Variants in EYS observed in about 807,000 individuals in gnomAD.
EYS encodes protein eyes shut homolog.
EYS carries 250 observed loss-of-function variants against 282.1 expected under a neutral mutation model. That is an observed-to-expected ratio of 0.89 (90% CI 0.80 to 0.98). The LOEUF (loss-of-function observed/expected upper bound fraction) is 0.98, where lower values mean the gene tolerates loss of function less well. Among genes scored for constraint, EYS ranks in the 50% least tolerant of loss-of-function variants. EYS has a pLI of 0.00. For missense variants in EYS, 4,016 were observed against 3,709.0 expected, an observed-to-expected ratio of 1.08 and a Z score of -2.15; for synonymous variants, 1,355 against 1,282.9, an observed-to-expected ratio of 1.06 and a Z score of -1.20.
intron 30 of EYS, among the ~76,000 whole-genome samples, chr6:64,231,379 T>C (rs1212769196): frequency 6.6e-6 from 1 of 152,184 alleles, no homozygotes; most frequent in Admixed American, 6.6e-5. Flanking sequence ...CTCTGAATTA[T>C]GTGAAATTTC....
chr6:64,534,288 T>A (rs1035834674), intron 26 of EYS, among the ~76,000 whole-genome samples: 154 of 148,330 alleles, frequency 1.0e-3, no homozygotes, highest in African/African-American at 3.9e-3. Flanking sequence ...GCTACTAAAC[T>A]TTTTTTTTAA....
intron 9 of EYS, among the ~76,000 whole-genome samples, chr6:65,350,594 CT>C (rs1240884942): frequency 6.6e-6 from 1 of 151,522 alleles, no homozygotes. Flanking sequence ...CTCTTATTTT[CT>C]TTTTTTGTCT....
intron 31 of EYS, among the ~76,000 whole-genome samples, chr6:64,210,073 T>C (rs1330774917): frequency 6.6e-6 from 1 of 152,244 alleles, no homozygotes; most frequent in East Asian, 1.9e-4. Flanking sequence ...TACAACTTAC[T>C]TTCTACATAT....
chr6:64,019,667 T>C (rs1304305024), intron 33 of EYS, among the ~76,000 whole-genome samples: 5 of 151,810 alleles, frequency 3.3e-5, no homozygotes, highest in African/African-American at 1.2e-4. Flanking sequence ...CCTCGGCCTC[T>C]CAAAGTGCTG....
At chr6:64,068,129 T>A (rs1389753850) in intron 32 of EYS, among the ~76,000 whole-genome samples, 1 of 152,204 alleles carries the variant, frequency 6.6e-6, no homozygotes, top group Non-Finnish European at 1.5e-5. Flanking sequence ...GAGTTCCAGC[T>A]GATCCATAGC....
At position 65,652,115 on chromosome 6, in the gene EYS, C is replaced by T. The variant is rs115495169; in HGVS notation, c.-447-12223G>A. 7.7e-3 allele frequency among the ~76,000 whole-genome samples: 1,162 copies of T among 151,750 alleles called. 19 individuals carry two copies. The highest frequency in any genetic ancestry group is 0.027 in the African/African-American group (1,102 of 41,402). ...CAACTATAAAAATGTGTAGCTCAAA[C>T]TAGAGGGAAGCTGGAATGGCTTGAG... On this transcript the variant is annotated intron_variant, in intron 1 of 42. Transcript: ENST00000503581.
chr6:65,186,915 A>C (rs903973212), intron 12 of EYS, among the ~76,000 whole-genome samples: 1 of 151,760 alleles, frequency 6.6e-6, no homozygotes, highest in Non-Finnish European at 1.5e-5. Context: ...AAATATGCTG[A>C]GGCAAGTAGA....
At chr6:64,998,263 A>C (rs570326077) in intron 13 of EYS, among the ~76,000 whole-genome samples, 1 of 152,344 alleles carries the variant, frequency 6.6e-6, no homozygotes, top group East Asian at 1.9e-4. Context: ...ACCATTAATG[A>C]TGAAAAAGAA....
chr6:64,914,028 C>T (rs16896019), intron 15 of EYS, among the ~76,000 whole-genome samples: 2,475 of 152,026 alleles, frequency 0.016, 65 homozygotes, highest in African/African-American at 0.058. Flanking sequence ...ATCCATGAAA[C>T]GAGGCTAGTC....
chr6:64,199,762 T>C lies in EYS; in HGVS notation c.6424+30830A>G, dbSNP rs544737803. Among the ~76,000 whole-genome samples the C allele has an allele frequency of 1.3e-4, 20 of 152,182 alleles. No homozygotes were observed. The South Asian group carries it at 4.1e-3, about 32-fold the overall frequency. ...AAAATCAAAAAATGAGCAAAGGATA[T>C]ATGAATAGACACTTCTCAAAAGAAG... On this transcript the variant is annotated intron_variant, in intron 31 of 42. Transcript: ENST00000503581.
chr6:63,930,771 G>C (rs929124590), intron 35 of EYS, among the ~76,000 whole-genome samples: 13 of 152,070 alleles, frequency 8.5e-5, no homozygotes, highest in Non-Finnish European at 1.8e-4. Context: ...AAAGTGGTGA[G>C]TGTTCTCGGT....
intron 24 of EYS, among the ~76,000 whole-genome samples, chr6:64,598,827 GA>G: frequency 6.6e-6 from 1 of 152,270 alleles, no homozygotes; most frequent in African/African-American, 2.4e-5. Context: ...GTGATTTTAA[GA>G]CAAAATATCC....
At chr6:64,901,809 G>T (rs1219694538) in intron 18 of EYS, among the ~76,000 whole-genome samples, 2 of 151,882 alleles carry the variant, frequency 1.3e-5, no homozygotes, top group Non-Finnish European at 2.9e-5. Flanking sequence ...AAAATATTAT[G>T]TTCAACAACA....
intron 36 of EYS, among the ~76,000 whole-genome samples, chr6:63,829,629 T>C (rs986309314): frequency 3.3e-5 from 5 of 152,184 alleles, no homozygotes; most frequent in Admixed American, 1.3e-4. Context: ...AGACTCCACT[T>C]CTGGGGGCAG....
intron 11 of EYS, chr6:65,300,915 T>C (rs1339342898): frequency 6.6e-6 from 1 of 152,196 alleles, no homozygotes; most frequent in Non-Finnish European, 1.5e-5. Context: ...CTGGGCTCTG[T>C]GTATTGCTCA....
chr6:64,040,902 G>A (rs1770359847), intron 33 of EYS, among the ~76,000 whole-genome samples: 1 of 152,060 alleles, frequency 6.6e-6, no homozygotes. Flanking sequence ...TGGTATAAGG[G>A]GGAAAAATAC....
chr6:64,390,471 C>A (rs988786202), intron 28 of EYS, among the ~76,000 whole-genome samples: 2 of 151,746 alleles, frequency 1.3e-5, no homozygotes, highest in African/African-American at 4.8e-5. Flanking sequence ...TCACCCCTGA[C>A]CCCGGAGCAG....
chr6:64,706,017 TCA>T (rs1491380700), intron 22 of EYS, among the ~76,000 whole-genome samples: 19 of 65,408 alleles, frequency 2.9e-4, no homozygotes, highest in Non-Finnish European at 5.5e-4. Flanking sequence ...TAAAAATTAT[TCA>T]AAAAAAAAAA....
At chr6:64,174,456 CT>C (rs1169596567) in intron 31 of EYS, among the ~76,000 whole-genome samples, 3 of 151,638 alleles carry the variant, frequency 2.0e-5, no homozygotes, top group Admixed American at 2.0e-4. Context: ...ATGTTATAAT[CT>C]TTTTATCATC....
Sources: gnomAD v4.1 joint callset for allele counts (sites outside exome capture counted in the v4.1 genomes callset) on GRCh38, gnomAD v4.1.1 for gene constraint, MANE v1.5 for transcripts, NCBI Gene and HGNC (gene_info 2026-07-23, HGNC 2026-07-21) for gene names.